SP140: variants seen among roughly 807,000 people sequenced by gnomAD.
SP140 encodes SP140 nuclear body protein.
SP140 carries 81 observed loss-of-function variants against 125.0 expected under a neutral mutation model. The ratio of observed to expected loss-of-function variants is 0.65; its 90% CI spans 0.54 to 0.78. SP140 has a LOEUF of 0.78. SP140 is among the 30% of genes least tolerant of loss of function. The pLI is 0.00. For missense variants in SP140, 858 were observed against 1,037.0 expected (o/e 0.83, Z 2.37); for synonymous variants, 312 against 354.0 (o/e 0.88, Z 1.33).
chr2:230,206,486 T>A (rs188657191), intron 1 of SP140, among the ~76,000 whole-genome samples: 13 of 151,064 alleles, frequency 8.6e-5, no homozygotes, highest in African/African-American at 3.2e-4. Context: ...CAGGGCTAGG[T>A]CTGTGGTTCT....
intron 19 of SP140, among the ~76,000 whole-genome samples, chr2:230,291,252 T>C (rs904765851): frequency 2.0e-5 from 3 of 152,272 alleles, no homozygotes; most frequent in Admixed American, 6.5e-5. Context: ...AATGTTTGCA[T>C]TGTGACTATT....
intron 22 of SP140, among the ~76,000 whole-genome samples, chr2:230,301,659 C>CA (rs1448715789): frequency 6.6e-6 from 1 of 152,126 alleles, no homozygotes; most frequent in Non-Finnish European, 1.5e-5. Flanking sequence ...AACAATATAT[C>CA]AAAATATACC....
upstream of SP140, chr2:230,202,444 T>G: frequency 1.3e-6 from 1 of 791,354 alleles, no homozygotes; most frequent in Non-Finnish European, 2.1e-6. Flanking sequence ...GTTCCTCTTG[T>G]TATACCCCAT....
At chr2:230,234,468 A>G (rs1235688124) in intron 1 of SP140, among the ~76,000 whole-genome samples, 1 of 152,246 alleles carries the variant, frequency 6.6e-6, no homozygotes, top group Non-Finnish European at 1.5e-5. Context: ...TGTCTATCTA[A>G]GTATTGATTC....
upstream of SP140, chr2:230,200,650 C>A (rs1287597111): frequency 1.1e-5 from 6 of 565,374 alleles, no homozygotes; most frequent in Non-Finnish European, 1.9e-5. Flanking sequence ...TGAGAAAAAT[C>A]TTATATAGTG....
At chr2:230,301,025 A>G (rs187626482) in intron 22 of SP140, among the ~76,000 whole-genome samples, 76 of 152,332 alleles carry the variant, frequency 5.0e-4, no homozygotes, top group Non-Finnish European at 9.7e-4. Flanking sequence ...AGTTTCAACA[A>G]TAGACTAGAA....
At chr2:230,194,955 C>T in the SP140 span, among the ~76,000 whole-genome samples, 1 of 152,042 alleles carries the variant, frequency 6.6e-6, no homozygotes, top group African/African-American at 2.4e-5. Flanking sequence ...GCTCCAGGCA[C>T]ATGTGGCTGG....
At chr2:230,267,293 G>T (rs1213270833) in intron 12 of SP140, among the ~76,000 whole-genome samples, 1 of 152,150 alleles carries the variant, frequency 6.6e-6, no homozygotes, top group African/African-American at 2.4e-5. Flanking sequence ...CTAATGGTCA[G>T]GTCAACTATA....
At chr2:230,191,802 A>T in the SP140 span, among the ~76,000 whole-genome samples, 4 of 152,208 alleles carry the variant, frequency 2.6e-5, no homozygotes, top group African/African-American at 9.7e-5. Context: ...CATCATCCTG[A>T]TACCAAAACT....
In SP140 at chr2:230,251,023, C is replaced by G. The variant is rs747388536; in HGVS notation, c.1019C>G (p.Pro340Arg). Residue 340 changes from proline to arginine, a missense_variant, in exon 10 of 27, where the codon CCC becomes CGC. Transcript: ENST00000392045. ...TCAGAAATGTGTGATGGAGAAGAGC[C>G]CCAGGAAGCCTCTAGCTCCCTAGCA... ...DCSEMCDGEE[P>R]QEASSSLARC... is the part of the protein sequence containing the mutation. 49 of 1,613,600 alleles carry G rather than the reference C, an allele frequency of 3.0e-5. No individual in the cohort carries two copies. Among genetic ancestry groups the G allele is most frequent in the Admixed American group, 1.0e-4 (6 of 59,970 alleles).
intron 12 of SP140, among the ~76,000 whole-genome samples, chr2:230,262,622 T>G (rs2052457661): frequency 6.6e-6 from 1 of 152,194 alleles, no homozygotes; most frequent in Admixed American, 6.5e-5. Flanking sequence ...GCCTTTGCTC[T>G]ATCCCAGAGG....
At chr2:230,295,594 G>A (rs2057627439) in intron 21 of SP140, among the ~76,000 whole-genome samples, 1 of 152,158 alleles carries the variant, frequency 6.6e-6, no homozygotes, top group Non-Finnish European at 1.5e-5. Flanking sequence ...GAGAACAGAA[G>A]GTCCCTTAAG....
upstream of SP140, among the ~76,000 whole-genome samples, chr2:230,198,110 C>G (rs1478236361): frequency 7.6e-6 from 1 of 132,064 alleles, no homozygotes; most frequent in Non-Finnish European, 1.6e-5. Context: ...GACAATAGGA[C>G]CCTCTGTAGG....
chr2:230,189,420 G>T, the SP140 span, among the ~76,000 whole-genome samples: 1 of 152,048 alleles, frequency 6.6e-6, no homozygotes, highest in African/African-American at 2.4e-5. Flanking sequence ...TCTAATTTCC[G>T]TCTTAATTTC....
intron 6 of SP140, 129 bp from the exon 7 acceptor site, chr2:230,245,734 T>C (rs1241508224): frequency 1.6e-6 from 1 of 627,802 alleles, no homozygotes; most frequent in Non-Finnish European, 2.9e-6. Context: ...AGAGCCACTT[T>C]TGTTTGGTGC....
At chr2:230,249,934 C>G (rs1301251020) in intron 9 of SP140, among the ~76,000 whole-genome samples, 4 of 152,212 alleles carry the variant, frequency 2.6e-5, no homozygotes, top group Non-Finnish European at 4.4e-5. Flanking sequence ...GTCTCATCTG[C>G]TCAGGTAGTG....
At chr2:230,231,711 T>C (rs2149061414) in intron 1 of SP140, among the ~76,000 whole-genome samples, 1 of 152,284 alleles carries the variant, frequency 6.6e-6, no homozygotes, top group East Asian at 1.9e-4. Context: ...CCACCCTTTT[T>C]TTTCAATTTT....
chr2:230,225,704 C>T, upstream of SP140: 1 of 728,100 alleles, frequency 1.4e-6, no homozygotes, highest in Non-Finnish European at 2.5e-6. Flanking sequence ...AGTTGGTGCA[C>T]CCACGTCAGC....
chr2:230,313,342 T>A (rs183507045), downstream of SP140: 5 of 152,452 alleles, frequency 3.3e-5, no homozygotes, highest in East Asian at 9.6e-4. Context: ...TCTGGCCAGG[T>A]CTTTTCATCC....
Sources: gnomAD v4.1 joint callset for allele counts (sites outside exome capture counted in the v4.1 genomes callset) on GRCh38, gnomAD v4.1.1 for gene constraint, MANE v1.5 for transcripts, NCBI Gene and HGNC (gene_info 2026-07-23, HGNC 2026-07-21) for gene names.